ANKIB1: variants seen among roughly 807,000 people sequenced by gnomAD.
ANKIB1 encodes ankyrin repeat and IBR domain containing 1, also known as ankyrin repeat and IBR domain-containing protein 1.
A neutral mutation model predicts 122.1 loss-of-function variants in ANKIB1; 43 were observed. The ratio of observed to expected loss-of-function variants is 0.35; its 90% CI spans 0.28 to 0.45. The LOEUF (loss-of-function observed/expected upper bound fraction) is 0.45. Among genes scored for constraint, ANKIB1 ranks in the 20% least tolerant of loss-of-function variants. The pLI, the probability that ANKIB1 is intolerant of heterozygous loss-of-function variation, is 1.00. For missense variants in ANKIB1, 992 were observed against 1,329.5 expected (o/e 0.75, Z 3.95); for synonymous variants, 390 against 442.0 (o/e 0.88, Z 1.48).
chr7:92,360,893 C>G (rs1275926181), intron 9 of ANKIB1, among the ~76,000 whole-genome samples: 1 of 151,810 alleles, frequency 6.6e-6, no homozygotes, highest in Non-Finnish European at 1.5e-5. Flanking sequence ...GAAATGGGGT[C>G]TTGCTCTGTT....
At chr7:92,377,108 A>G (rs1411547041) in intron 11 of ANKIB1, among the ~76,000 whole-genome samples, 1 of 152,230 alleles carries the variant, frequency 6.6e-6, no homozygotes, top group East Asian at 1.9e-4. Flanking sequence ...TTGGCTTTTC[A>G]ACATGCCTTC....
chr7:92,275,449 G>A (rs1165287296), intron 1 of ANKIB1, among the ~76,000 whole-genome samples: 1 of 152,156 alleles, frequency 6.6e-6, no homozygotes, highest in Non-Finnish European at 1.5e-5. Flanking sequence ...GACGGTATTT[G>A]AAAATACCTG....
At chr7:92,268,687 G>A (rs937641318) in intron 1 of ANKIB1, among the ~76,000 whole-genome samples, 3 of 152,122 alleles carry the variant, frequency 2.0e-5, no homozygotes, top group Non-Finnish European at 4.4e-5. Flanking sequence ...TGTTGCCCAG[G>A]CTTGTCTCTA....
intron 1 of ANKIB1, among the ~76,000 whole-genome samples, chr7:92,259,636 G>A (rs1801519203): frequency 6.6e-6 from 1 of 152,120 alleles, no homozygotes; most frequent in African/African-American, 2.4e-5. Context: ...TGTATCTCCA[G>A]CCCAGACCTC....
At chr7:92,252,102 C>T (rs1801341338) in intron 1 of ANKIB1, among the ~76,000 whole-genome samples, 1 of 151,980 alleles carries the variant, frequency 6.6e-6, no homozygotes. Flanking sequence ...GCTGTGTGCC[C>T]TTCTTAGTGT....
At chr7:92,342,350 A>T (rs1327995731) in intron 5 of ANKIB1, among the ~76,000 whole-genome samples, 1 of 152,206 alleles carries the variant, frequency 6.6e-6, no homozygotes, top group Non-Finnish European at 1.5e-5. Flanking sequence ...TGAATGTATT[A>T]GTTTGTTGTT....
At chr7:92,261,306 G>T (rs1164743512) in intron 1 of ANKIB1, among the ~76,000 whole-genome samples, 2 of 143,414 alleles carry the variant, frequency 1.4e-5, no homozygotes, top group Non-Finnish European at 3.0e-5. Context: ...CCGAGATCGC[G>T]CCACTGCACT....
At chr7:92,259,822 T>C (rs1478331358) in intron 1 of ANKIB1, among the ~76,000 whole-genome samples, 1 of 152,188 alleles carries the variant, frequency 6.6e-6, no homozygotes, top group Non-Finnish European at 1.5e-5. Context: ...TGCCAGGACC[T>C]TGGAGTCATT....
chr7:92,350,311 A>G (rs908458177), intron 7 of ANKIB1, among the ~76,000 whole-genome samples: 1 of 152,170 alleles, frequency 6.6e-6, no homozygotes, highest in African/African-American at 2.4e-5. Context: ...AGAATTGAAT[A>G]TGACCTTTCT....
intron 11 of ANKIB1, among the ~76,000 whole-genome samples, chr7:92,384,328 T>TCC (rs1804585319): frequency 6.6e-6 from 1 of 152,160 alleles, no homozygotes; most frequent in Non-Finnish European, 1.5e-5. Flanking sequence ...ATTTATAAAT[T>TCC]CAGTGCCATC....
intron 5 of ANKIB1, among the ~76,000 whole-genome samples, chr7:92,341,164 G>T (rs992619092): frequency 2.6e-5 from 4 of 152,030 alleles, no homozygotes; most frequent in Non-Finnish European, 5.9e-5. Context: ...ATAAAACTTA[G>T]CCTGGAGTGG....
At chr7:92,279,232 C>G (rs1458581771) in intron 1 of ANKIB1, among the ~76,000 whole-genome samples, 1 of 152,188 alleles carries the variant, frequency 6.6e-6, no homozygotes, top group Non-Finnish European at 1.5e-5. Context: ...GGCCTGGTTC[C>G]TAACAGGCCA....
chr7:92,392,136 G>A (rs1804799492), intron 16 of ANKIB1, 105 bp from the exon 17 acceptor site: 1 of 851,698 alleles, frequency 1.2e-6, no homozygotes, highest in Non-Finnish European at 1.8e-6. Context: ...AGTTAAGCAA[G>A]TTCCAACAGA....
At chr7:92,308,141 A>T (rs1230202367) in intron 3 of ANKIB1, among the ~76,000 whole-genome samples, 2 of 151,996 alleles carry the variant, frequency 1.3e-5, no homozygotes, top group African/African-American at 4.8e-5. Context: ...AAGTGCTGGG[A>T]TTACAGGCGG....
chr7:92,324,581 G>A (rs1169341176), intron 4 of ANKIB1, among the ~76,000 whole-genome samples: 1 of 152,080 alleles, frequency 6.6e-6, no homozygotes, highest in African/African-American at 2.4e-5. Flanking sequence ...ACTTATATTT[G>A]TACCTTCTAC....
At chr7:92,269,577 A>G (rs1339425516) in intron 1 of ANKIB1, among the ~76,000 whole-genome samples, 2 of 152,164 alleles carry the variant, frequency 1.3e-5, no homozygotes, top group Non-Finnish European at 2.9e-5. Context: ...GTTAACAAAC[A>G]TTTTATAGGG....
intron 4 of ANKIB1, among the ~76,000 whole-genome samples, chr7:92,320,371 G>A (rs1220624576): frequency 6.6e-6 from 1 of 152,172 alleles, no homozygotes; most frequent in Non-Finnish European, 1.5e-5. Context: ...GCCAAATTTA[G>A]TAGGTACTTT....
chr7:92,272,594 A>G (rs561031215), intron 1 of ANKIB1, among the ~76,000 whole-genome samples: 1 of 152,312 alleles, frequency 6.6e-6, no homozygotes, highest in South Asian at 2.1e-4. Context: ...GCAGGCCCAT[A>G]GAGTATCTGG....
chr7:92,336,302 T>C (rs954335928), intron 5 of ANKIB1, among the ~76,000 whole-genome samples: 1 of 152,210 alleles, frequency 6.6e-6, no homozygotes, highest in Non-Finnish European at 1.5e-5. Context: ...AGAATTGTTT[T>C]TCAGTTCTAG....
Sources: allele counts gnomAD v4.1 joint callset (sites outside exome capture counted in the v4.1 genomes callset), GRCh38; gene constraint gnomAD v4.1.1; transcripts MANE v1.5; gene names NCBI Gene and HGNC (gene_info 2026-07-23, HGNC 2026-07-21).